Variants in HSF1 observed in about 807,000 individuals in gnomAD.
The protein encoded by HSF1 is heat shock transcription factor 1.
A neutral mutation model predicts 51.7 loss-of-function variants in HSF1; 32 were observed. That is an observed-to-expected ratio of 0.62 (90% confidence interval 0.47 to 0.83). The LOEUF (loss-of-function observed/expected upper bound fraction) is 0.83. HSF1 is among the 40% of genes least tolerant of loss of function. The probability of loss-of-function intolerance (pLI) is 0.00; values close to 1 mark genes in which losing one functional copy is unlikely to be tolerated. For synonymous variants in HSF1, 396 were observed against 309.7 expected (o/e 1.28, Z -2.92); for missense variants, 727 against 717.0 (o/e 1.01, Z -0.16).
intron 1 of HSF1, among the ~76,000 whole-genome samples, chr8:144,300,507 G>C (rs1203358322): frequency 1.3e-5 from 2 of 151,822 alleles, no homozygotes; most frequent in Non-Finnish European, 2.9e-5. Context: ...CACCGCGCCC[G>C]GCCTGTTGTG....
At chr8:144,305,998 C>T (rs782776957) in intron 1 of HSF1, among the ~76,000 whole-genome samples, 6 of 152,062 alleles carry the variant, frequency 3.9e-5, no homozygotes, top group Non-Finnish European at 8.8e-5. Flanking sequence ...TCCCAAACTG[C>T]TGGGATTACA....
rs373952639 is a variant in HSF1 at position 144,311,641 on chromosome 8, C to T, written c.723+40C>T. ...CAGGGCACCCGCCCAGGCATGCAGG[C>T]GGCAGTGGGGTGGGTTGCCCCTGCC... On this transcript the variant is annotated intron_variant, in intron 7 of 12. Transcript: ENST00000528838. 2.4e-4 allele frequency: 381 copies of T among 1,611,582 alleles called. 1 individual carries two copies. The highest frequency in any genetic ancestry group is 1.6e-3 in the Middle Eastern group (10 of 6,078).
At chr8:144,308,843 G>C (rs1476835013) in intron 1 of HSF1, 63 bp from the exon 2 acceptor site, 1 of 1,316,508 alleles carries the variant, frequency 7.6e-7, no homozygotes, top group Non-Finnish European at 1.1e-6. Context: ...CCTGGGGAAG[G>C]GGCGGCTTGG....
In HSF1 at chr8:144,314,392, G is replaced by A; in HGVS notation, c.*62G>A. 2 of 1,444,270 alleles carry A rather than the reference G, an allele frequency of 1.4e-6. No individual in the cohort carries two copies. Among genetic ancestry groups the A allele is most frequent in the East Asian group, 2.5e-5 (1 of 39,986 alleles). 89.5% of individuals were successfully genotyped at this position (1,444,270 alleles called of 1,614,324 possible). ...CCCCCAGTGCAGGGCTGGTCTTGGGGAGGCAGGGCAGCCTCGCGGTCTTGG... is the reference window on the plus strand; with the variant it reads ...CCCCCAGTGCAGGGCTGGTCTTGGGAAGGCAGGGCAGCCTCGCGGTCTTGG... On this transcript the variant is annotated 3_prime_UTR_variant, in exon 13 of 13. Coordinates refer to ENST00000528838, the MANE Select transcript of HSF1 (RefSeq NM_005526.4).
rs182846923 is a variant in HSF1 at position 144,310,671 on chromosome 8, G to A, written c.489-503G>A. The stretch of plus-strand genomic sequence containing the variant: ...AGGGCCCAGCCTCCCAGAGCAGCAG[G>A]AGCGCGGTCATGGCCCTGCTCACCT... On this transcript the variant is annotated intron_variant, in intron 4 of 12. Coordinates refer to ENST00000528838, the MANE Select transcript of HSF1 (RefSeq NM_005526.4). The A allele has an allele frequency of 1.3e-3, 237 of 176,316 alleles. 2 individuals are homozygous for A. Among genetic ancestry groups the A allele is most frequent in the Non-Finnish European group, 1.5e-3 (125 of 81,570 alleles). 10.9% of individuals were successfully genotyped at this position (176,316 alleles called of 1,614,324 possible).
intron 9 of HSF1, chr8:144,312,998 G>A: frequency 1.9e-6 from 1 of 518,918 alleles, no homozygotes; most frequent in Non-Finnish European, 3.5e-6. Context: ...CTGTCAGGCA[G>A]GGTCTCCAGG....
chr8:144,314,236 ACTT>A lies in HSF1; in HGVS notation c.1499_1501del (p.Phe500del). 6.5e-7 allele frequency: 1 copy of A among 1,550,224 alleles called. No homozygotes were observed. The highest frequency in any genetic ancestry group is 8.7e-7 in the Non-Finnish European group (1 of 1,146,942). On this transcript the variant is annotated inframe_deletion, in exon 13 of 13. Coordinates refer to ENST00000528838, the MANE Select transcript of HSF1 (RefSeq NM_005526.4). ...CTGTTTGAGCTGGGAGAGGGCTCCT[ACTT>A]CTCCGAAGGGGACGGCTTCGCCGAG...
Position 144,313,505 on chromosome 8 carries a change from G to A in HSF1, c.1143-6G>A. 3 of 1,599,270 alleles carry A rather than the reference G, an allele frequency of 1.9e-6. No homozygotes were observed. The highest frequency in any genetic ancestry group is 2.6e-6 in the Non-Finnish European group (3 of 1,167,662). ...CTGGTTCAGGTACCGCCTTATCCCGGGCCAGGAATGAGCTCAGTGACCACT... is the reference window on the plus strand; with the variant it reads ...CTGGTTCAGGTACCGCCTTATCCCGAGCCAGGAATGAGCTCAGTGACCACT... On this transcript the variant is annotated splice_polypyrimidine_tract_variant and splice_region_variant and intron_variant, in intron 9 of 12. Coordinates refer to ENST00000528838, the MANE Select transcript of HSF1 (RefSeq NM_005526.4).
chr8:144,299,243 A>G (rs1588631822), intron 1 of HSF1, among the ~76,000 whole-genome samples: 1 of 151,844 alleles, frequency 6.6e-6, no homozygotes, highest in South Asian at 2.1e-4. Context: ...GGAGTTCAAG[A>G]CCAGCCTGGC....
At position 144,309,761 on chromosome 8, in the gene HSF1, C is replaced by T. The variant is rs782522259; in HGVS notation, c.364-11C>T. Reference sequence around the variant, plus strand: ...CTGCTCCAGTGACTCCTGTCCCTCTCGGGAATCCAGGTGTCCACCCTGAAG... The same window carrying T: ...CTGCTCCAGTGACTCCTGTCCCTCTTGGGAATCCAGGTGTCCACCCTGAAG... On this transcript the variant is annotated splice_polypyrimidine_tract_variant and intron_variant, in intron 3 of 12. Transcript: ENST00000528838. The T allele has an allele frequency of 1.5e-5, 24 of 1,612,730 alleles. No individual in the cohort carries two copies. The highest frequency in any genetic ancestry group is 6.7e-5 in the Admixed American group (4 of 59,958).
At position 144,312,226 on chromosome 8, in the gene HSF1, G is replaced by C; in HGVS notation, c.1124G>C (p.Ser375Thr). 1 of 1,345,456 alleles carries C rather than the reference G, an allele frequency of 7.4e-7. No homozygotes were observed. Among genetic ancestry groups the C allele is most frequent in the Non-Finnish European group, 9.8e-7 (1 of 1,021,308 alleles). 83.3% of individuals were successfully genotyped at this position (1,345,456 alleles called of 1,614,324 possible). Residue 375 changes from serine (S) to threonine (T), a missense_variant, in exon 9 of 13, where the codon AGC becomes ACC. By Grantham distance (58) the Ser-to-Thr change is moderately conservative (BLOSUM62 1). Transcript: ENST00000528838. ...ACCTCCACCCCTGAAAAGTGCCTCAGCGTAGCCTGCCTGGACAAGTGAGTG... is the reference window on the plus strand; with the variant it reads ...ACCTCCACCCCTGAAAAGTGCCTCACCGTAGCCTGCCTGGACAAGTGAGTG... ...PPTSTPEKCL[S>T]VACLDKNELS...
chr8:144,299,435 T>TA (rs11309028), intron 1 of HSF1, among the ~76,000 whole-genome samples: 55,721 of 132,162 alleles, frequency 0.42, 12,097 homozygotes, highest in Non-Finnish European at 0.52. Context: ...AGACTCCTTC[T>TA]AAAAAAAAAA....
At chr8:144,302,516 GATAATA>G (rs1370804781) in intron 1 of HSF1, among the ~76,000 whole-genome samples, 7 of 149,360 alleles carry the variant, frequency 4.7e-5, no homozygotes, top group South Asian at 2.2e-4. Context: ...AAAAAAAAAA[GATAATA>G]ATAATAATAA....
chr8:144,308,830 C>T, intron 1 of HSF1, 76 bp from the exon 2 acceptor site: 7 of 1,165,946 alleles, frequency 6.0e-6, no homozygotes, highest in East Asian at 2.4e-5. Context: ...TCAGAAGGGG[C>T]GGCCTGGGGA....
At chr8:144,311,106 C>G (rs1158389727) in intron 4 of HSF1, 68 bp from the exon 5 acceptor site, 13 of 1,438,842 alleles carry the variant, frequency 9.0e-6, no homozygotes, top group South Asian at 2.4e-5. Flanking sequence ...CAGGGAGGGT[C>G]TGTGGGGCTC....
rs782374329 is a variant in HSF1 at position 144,312,004 on chromosome 8, C to T, written c.902C>T (p.Pro301Leu). ...CCCCTGGTGCGTGTCAAGGAGGAGCCCCCCAGCCCGCCTCAGAGCCCCCGG... is the reference window on the plus strand; with the variant it reads ...CCCCTGGTGCGTGTCAAGGAGGAGCTCCCCAGCCCGCCTCAGAGCCCCCGG... ...SSPLVRVKEE[P>L]PSPPQSPRVE... The change falls in exon 9 of 13, where the codon CCC becomes CTC. Residue 301 changes from proline (P) to leucine (L), a missense_variant. This residue lies in a region of HSF1 where 470 missense variants were observed against 398.8 expected (regional missense o/e 1.18). Coordinates refer to ENST00000528838, the MANE Select transcript of HSF1 (RefSeq NM_005526.4). The T allele has an allele frequency of 1.3e-6, 2 of 1,596,680 alleles. No individual in the cohort carries two copies. Among genetic ancestry groups the T allele is most frequent in the South Asian group, 2.2e-5 (2 of 89,896 alleles).
At chr8:144,312,729 T>A in intron 9 of HSF1, 2 of 1,532,446 alleles carry the variant, frequency 1.3e-6, no homozygotes, top group East Asian at 2.4e-5. Flanking sequence ...CTGACCCCAC[T>A]GGGGAGGGAG....
intron 1 of HSF1, chr8:144,292,666 G>A (rs1290729634): frequency 7.9e-5 from 12 of 152,290 alleles, no homozygotes; most frequent in African/African-American, 2.4e-4. Context: ...ATGACCTGAA[G>A]AAGGGCCACA....
At chr8:144,302,158 T>C (rs1242884029) in intron 1 of HSF1, among the ~76,000 whole-genome samples, 1 of 150,118 alleles carries the variant, frequency 6.7e-6, no homozygotes, top group Admixed American at 6.6e-5. Context: ...ACAGCGAGAC[T>C]CCGTCTCCAA....
Sources: allele counts gnomAD v4.1 joint callset (sites outside exome capture counted in the v4.1 genomes callset), GRCh38; gene constraint gnomAD v4.1.1; regional missense constraint gnomAD v4.1.1; transcripts MANE v1.5; gene names NCBI Gene and HGNC (gene_info 2026-07-23, HGNC 2026-07-21).